Variants in CCDC71L observed in about 807,000 individuals in gnomAD.
CCDC71L encodes the protein coiled-coil domain-containing protein 71L.
A neutral mutation model predicts 10.2 loss-of-function variants in CCDC71L; 6 were observed. That is an observed-to-expected ratio of 0.59 (90% CI 0.32 to 1.16). CCDC71L has a LOEUF of 1.16. Ranked by LOEUF, CCDC71L falls within the 50% of genes most tolerant of loss-of-function variation. The pLI is 0.05. For missense variants in CCDC71L, 366 were observed against 383.4 expected (o/e 0.95, Z 0.38); for synonymous variants, 204 against 175.5 (o/e 1.16, Z -1.28).
rs564042162 is a variant in CCDC71L at position 106,657,259 on chromosome 7, A to G, written c.*2930T>C. The G allele has an allele frequency of 1.3e-5, 2 of 152,316 alleles. No homozygotes were observed. The highest frequency in any genetic ancestry group is 4.1e-4 in the South Asian group (2 of 4,828). 9.4% of individuals were successfully genotyped at this position (152,316 alleles called of 1,614,324 possible). On this transcript the variant is annotated 3_prime_UTR_variant, in exon 1 of 1. Transcript: ENST00000523505. The stretch of plus-strand genomic sequence containing the variant: ...CAATTATGACGTTACTGGTTTTAGT[A>G]ACATAAAAATACATTGCTGGTTGAC...
Position 106,660,153 on chromosome 7 carries a change from G to T in CCDC71L, c.*36C>A, listed in dbSNP as rs1316231334. 1 of 1,489,628 alleles carries T rather than the reference G, an allele frequency of 6.7e-7. No homozygotes were observed. The highest frequency in any genetic ancestry group is 8.8e-7 in the Non-Finnish European group (1 of 1,130,252). The allele number at this position is 1,489,628 out of a possible 1,614,324, so 92.3% of individuals were successfully genotyped here. A position where few individuals can be genotyped will look rare whatever the true frequency, so the allele number is the denominator to read the frequency against. On this transcript the variant is annotated 3_prime_UTR_variant, in exon 1 of 1. Transcript: ENST00000523505. This position sits in a 1 kb window ranked among gnomAD's most constrained non-coding sequence, Gnocchi z 7.5. ...CTCCGGGCGGAAGGCCTGTCCCAAG[G>T]TCGGGGCCGGCAGGAGGCGCCCTGG...
In CCDC71L at chr7:106,659,151, C is replaced by A. The variant is rs1057382266; in HGVS notation, c.*1038G>T. 22 of 152,252 alleles carry A rather than the reference C, an allele frequency of 1.4e-4. No homozygotes were observed. The highest frequency in any genetic ancestry group is 5.3e-4 in the African/African-American group (22 of 41,538). The allele number at this position is 152,252 out of a possible 1,614,324, so 9.4% of individuals were successfully genotyped here. On this transcript the variant is annotated 3_prime_UTR_variant, in exon 1 of 1. Coordinates refer to ENST00000523505, the MANE Select transcript of CCDC71L (RefSeq NM_175884.6). ...TGATAATGTTTACACACATCCATCT[C>A]TCCTATGCAACTCCCATTTTAAAAT... is the stretch of plus-strand genomic sequence containing the variant.
rs1792561466 is a variant in CCDC71L at position 106,660,073 on chromosome 7, TG to T, written c.*115del. On this transcript the variant is annotated 3_prime_UTR_variant, in exon 1 of 1. Coordinates refer to ENST00000523505, the MANE Select transcript of CCDC71L (RefSeq NM_175884.6). This position sits in a 1 kb window ranked among gnomAD's most constrained non-coding sequence, Gnocchi z 7.5. Reference sequence around the variant, plus strand: ...CAACTTCTTCGCGCGTAAAGTGCATTGGGGGCCGGGGTCCTGGCCGGATCTG... The same window carrying T: ...CAACTTCTTCGCGCGTAAAGTGCATTGGGGCCGGGGTCCTGGCCGGATCTG... 7.7e-7 allele frequency: 1 copy of T among 1,307,072 alleles called. No homozygotes were observed. Among genetic ancestry groups the T allele is most frequent in the South Asian group, 1.7e-5 (1 of 59,524 alleles). 81.0% of individuals were successfully genotyped at this position (1,307,072 alleles called of 1,614,324 possible).
chr7:106,661,045 A>G lies in CCDC71L; in HGVS notation c.-149T>C. 8.6e-7 allele frequency: 1 copy of G among 1,166,694 alleles called. No homozygotes were observed. The highest frequency in any genetic ancestry group is 1.1e-6 in the Non-Finnish European group (1 of 906,124). 72.3% of individuals were successfully genotyped at this position (1,166,694 alleles called of 1,614,324 possible). The stretch of plus-strand genomic sequence containing the variant: ...GCCGCCCCTCCCCCTCCGAGGGCGG[A>G]GGACGCGGGCGAATATCCTGCTGCC... On this transcript the variant is annotated 5_prime_UTR_variant, in exon 1 of 1. Coordinates refer to ENST00000523505, the MANE Select transcript of CCDC71L (RefSeq NM_175884.6).
In CCDC71L at chr7:106,660,524, CCGG is replaced by C; in HGVS notation, c.370_372del (p.Pro124del). 2.8e-6 allele frequency: 4 copies of C among 1,442,720 alleles called. No homozygotes were observed. In the African/African-American group the frequency reaches 5.9e-5, roughly 21 times the overall value. The allele number at this position is 1,442,720 out of a possible 1,614,324, so 89.4% of individuals were successfully genotyped here. On this transcript the variant is annotated inframe_deletion, in exon 1 of 1. Transcript: ENST00000523505. The surrounding 1 kb of genome is among the most constrained non-coding windows in gnomAD (Gnocchi z 7.5). ...CTCCTCCTGGCCGCTGCGCGCGGAA[CCGG>C]CCGGCGCGCCTGGCCGCGGGCTGTA...
rs1410026532 is a variant in CCDC71L, at chr7:106,659,112, G to A, written c.*1077C>T. Reference sequence around the variant, plus strand: ...TTCTAAGAATTCTAATGGGTATTCTGTTTATCATTTTAGTGATAATGTTTA... The same window carrying A: ...TTCTAAGAATTCTAATGGGTATTCTATTTATCATTTTAGTGATAATGTTTA... On this transcript the variant is annotated 3_prime_UTR_variant, in exon 1 of 1. Transcript: ENST00000523505. The A allele has an allele frequency of 6.6e-6, 1 of 151,972 alleles. No homozygotes were observed. Among genetic ancestry groups the A allele is most frequent in the Non-Finnish European group, 1.5e-5 (1 of 67,994 alleles). 9.4% of individuals were successfully genotyped at this position (151,972 alleles called of 1,614,324 possible). A position where few individuals can be genotyped will look rare whatever the true frequency, so the allele number is the denominator to read the frequency against.
rs1425380019 is a variant in CCDC71L at position 106,660,235 on chromosome 7, A to G, written c.662T>C (p.Leu221Pro). ...GCGGCGGAGCCTCACCATGGGTTCC[A>G]GGTTCACTCGCAGGACCTGGCGCGC... ...RRARQVLRVNLEPMVRLRRFP... is the reference protein window; with the variant it reads ...RRARQVLRVNPEPMVRLRRFP... The change falls in exon 1 of 1, where the codon CTG (leucine) becomes CCG (proline). Residue 221 changes from leucine to proline, a missense_variant. Transcript: ENST00000523505. The surrounding 1 kb of genome is among the most constrained non-coding windows in gnomAD (Gnocchi z 7.5). The G allele has an allele frequency of 6.3e-7, 1 of 1,577,990 alleles. No individual in the cohort carries two copies. The highest frequency in any genetic ancestry group is 1.1e-5 in the South Asian group (1 of 89,444).
rs1792489117 is a variant in CCDC71L, at chr7:106,656,311, T to C, written c.*3878A>G. On this transcript the variant is annotated 3_prime_UTR_variant, in exon 1 of 1. Coordinates refer to ENST00000523505, the MANE Select transcript of CCDC71L (RefSeq NM_175884.6). ...GTGCTGTTCACTAATACTCCACTTCTGCCTTCTAGACTCTAATGAAAATTC... is the reference window on the plus strand; with the variant it reads ...GTGCTGTTCACTAATACTCCACTTCCGCCTTCTAGACTCTAATGAAAATTC... 6.6e-6 allele frequency among the ~76,000 whole-genome samples: 1 copy of C among 152,192 alleles called. No homozygotes were observed. The highest frequency in any genetic ancestry group is 1.5e-5 in the Non-Finnish European group (1 of 68,024).
chr7:106,660,721 G>T lies in CCDC71L; in HGVS notation c.176C>A (p.Ala59Asp). 6.3e-7 allele frequency: 1 copy of T among 1,575,996 alleles called. No homozygotes were observed. Among genetic ancestry groups the T allele is most frequent in the East Asian group, 2.3e-5 (1 of 42,600 alleles). The change falls in exon 1 of 1, where the codon GCC becomes GAC. Residue 59 changes from alanine (A) to aspartate (D), a missense_variant. Transcript: ENST00000523505. This position sits in a 1 kb window ranked among gnomAD's most constrained non-coding sequence, Gnocchi z 7.5. The part of the protein sequence containing the change: ...LADSTKALGD[A>D]FKLFMPRSTE... ...GCTGCGGGGCATGAAGAGCTTGAAG[G>T]CGTCGCCCAGCGCCTTGGTGCTGTC...
Position 106,659,620 on chromosome 7 carries a change from C to G in CCDC71L, c.*569G>C, listed in dbSNP as rs1792552153. On this transcript the variant is annotated 3_prime_UTR_variant, in exon 1 of 1. Transcript: ENST00000523505. ...GAACCTCTTAAAAAATATCCTCGAT[C>G]AAAGCTTTGGAATCCAGTAAAAATT... 1 of 152,614 alleles carries G rather than the reference C, an allele frequency of 6.6e-6. No homozygotes were observed. Among genetic ancestry groups the G allele is most frequent in the African/African-American group, 2.4e-5 (1 of 41,450 alleles). The allele number at this position is 152,614 out of a possible 1,614,324, so 9.5% of individuals were successfully genotyped here.
chr7:106,654,402 C>A lies in CCDC71L; in HGVS notation c.*5787G>T, dbSNP rs1289852925. 6.6e-6 allele frequency among the ~76,000 whole-genome samples: 1 copy of A among 151,832 alleles called. No individual in the cohort carries two copies. The highest frequency in any genetic ancestry group is 1.5e-5 in the Non-Finnish European group (1 of 67,930). ...AAGCTTTATTTATAATTGTTCCAAA[C>A]TGGAATCTACCCAAATGCCCACCAA... On this transcript the variant is annotated 3_prime_UTR_variant, in exon 1 of 1. Coordinates refer to ENST00000523505, the MANE Select transcript of CCDC71L (RefSeq NM_175884.6).
In CCDC71L at chr7:106,656,574, T is replaced by C. The variant is rs1792494966; in HGVS notation, c.*3615A>G. On this transcript the variant is annotated 3_prime_UTR_variant, in exon 1 of 1. Transcript: ENST00000523505. ...TTGTAGCGCCATCCTAAAAATTCGC[T>C]AGATAATTAAAGAATTGATGGAACA... Among the ~76,000 whole-genome samples, 1 of 151,950 alleles carries C rather than the reference T, an allele frequency of 6.6e-6. No individual in the cohort carries two copies. Among genetic ancestry groups the C allele is most frequent in the Non-Finnish European group, 1.5e-5 (1 of 67,978 alleles).
At position 106,660,035 on chromosome 7, in the gene CCDC71L, G is replaced by C; in HGVS notation, c.*154C>G. ...CGACCGCGCCGCGGCCCGGGACAGG[G>C]ACAACCATCCGGCAACTTCTTCGCG... On this transcript the variant is annotated 3_prime_UTR_variant, in exon 1 of 1. Coordinates refer to ENST00000523505, the MANE Select transcript of CCDC71L (RefSeq NM_175884.6). This position sits in a 1 kb window ranked among gnomAD's most constrained non-coding sequence, Gnocchi z 7.5. 1 of 1,096,224 alleles carries C rather than the reference G, an allele frequency of 9.1e-7. No individual in the cohort carries two copies. The highest frequency in any genetic ancestry group is 1.2e-6 in the Non-Finnish European group (1 of 820,632). The allele number at this position is 1,096,224 out of a possible 1,614,324, so 67.9% of individuals were successfully genotyped here. A position where few individuals can be genotyped will look rare whatever the true frequency, so the allele number is the denominator to read the frequency against.
chr7:106,659,231 G>A lies in CCDC71L; in HGVS notation c.*958C>T, dbSNP rs998530242. On this transcript the variant is annotated 3_prime_UTR_variant, in exon 1 of 1. Transcript: ENST00000523505. Reference sequence around the variant, plus strand: ...ATAATGTATTTTAAAATACTTTAACGCATAATATTCCTAGATTTGTATGTT... The same window carrying A: ...ATAATGTATTTTAAAATACTTTAACACATAATATTCCTAGATTTGTATGTT... 2.0e-5 allele frequency: 3 copies of A among 151,704 alleles called. No individual in the cohort carries two copies. Among genetic ancestry groups the A allele is most frequent in the Non-Finnish European group, 4.4e-5 (3 of 67,950 alleles). The allele number at this position is 151,704 out of a possible 1,614,324, so 9.4% of individuals were successfully genotyped here.
rs897389448 is a variant in CCDC71L at position 106,660,106 on chromosome 7, C to T, written c.*83G>A. The T allele has an allele frequency of 2.8e-6, 4 of 1,406,014 alleles. No individual in the cohort carries two copies. The highest frequency in any genetic ancestry group is 3.7e-6 in the Non-Finnish European group (4 of 1,086,246). The allele number at this position is 1,406,014 out of a possible 1,614,324, so 87.1% of individuals were successfully genotyped here. ...GGGGTCCTGGCCGGATCTGTAAACA[C>T]TCGACTGACACTTGTTCATTCCTCC... On this transcript the variant is annotated 3_prime_UTR_variant, in exon 1 of 1. Coordinates refer to ENST00000523505, the MANE Select transcript of CCDC71L (RefSeq NM_175884.6). The surrounding 1 kb of genome is among the most constrained non-coding windows in gnomAD (Gnocchi z 7.5).
rs1489476050 is a variant in CCDC71L at position 106,655,834 on chromosome 7, CA to C, written c.*4354del. On this transcript the variant is annotated 3_prime_UTR_variant, in exon 1 of 1. Coordinates refer to ENST00000523505, the MANE Select transcript of CCDC71L (RefSeq NM_175884.6). Reference sequence around the variant, plus strand: ...TTATGTCTTCAATTTTATTCATGCACAAATTCTCTTCTCTTCATTTATCTTA... The same window carrying C: ...TTATGTCTTCAATTTTATTCATGCACAATTCTCTTCTCTTCATTTATCTTA... Among the ~76,000 whole-genome samples, 8 of 152,106 alleles carry C rather than the reference CA, an allele frequency of 5.3e-5. No homozygotes were observed. Among genetic ancestry groups the C allele is most frequent in the Non-Finnish European group, 1.2e-4 (8 of 67,994 alleles).
Position 106,657,785 on chromosome 7 carries a change from C to G in CCDC71L, c.*2404G>C, listed in dbSNP as rs141462136. On this transcript the variant is annotated 3_prime_UTR_variant, in exon 1 of 1. Transcript: ENST00000523505. ...CCATATTGAATTCAAGATGGACAAT[C>G]AGATCCAAAATGGAATCAGATAGCC... 6.6e-6 allele frequency: 1 copy of G among 152,186 alleles called. No individual in the cohort carries two copies. The highest frequency in any genetic ancestry group is 1.5e-5 in the Non-Finnish European group (1 of 68,028). The allele number at this position is 152,186 out of a possible 1,614,324, so 9.4% of individuals were successfully genotyped here.
rs1341655896 is a variant in CCDC71L at position 106,657,344 on chromosome 7, A to G, written c.*2845T>C. 6.6e-6 allele frequency: 1 copy of G among 152,210 alleles called. No individual in the cohort carries two copies. Among genetic ancestry groups the G allele is most frequent in the Non-Finnish European group, 1.5e-5 (1 of 68,020 alleles). The allele number at this position is 152,210 out of a possible 1,614,324, so 9.4% of individuals were successfully genotyped here. A position where few individuals can be genotyped will look rare whatever the true frequency, so the allele number is the denominator to read the frequency against. On this transcript the variant is annotated 3_prime_UTR_variant, in exon 1 of 1. Coordinates refer to ENST00000523505, the MANE Select transcript of CCDC71L (RefSeq NM_175884.6). ...AGTTATGTGAGGTGCCGGTCACCAC[A>G]TTTAGGCACTCAGGAATTAAAAATC...
At position 106,655,977 on chromosome 7, in the gene CCDC71L, G is replaced by C. The variant is rs866829372; in HGVS notation, c.*4212C>G. ...TCTCACTGTGCATACCTATAATTAA[G>C]AGCATTTATTTAGTACTTCCTATGT... On this transcript the variant is annotated 3_prime_UTR_variant, in exon 1 of 1. Coordinates refer to ENST00000523505, the MANE Select transcript of CCDC71L (RefSeq NM_175884.6). Among the ~76,000 whole-genome samples, 5 of 152,226 alleles carry C rather than the reference G, an allele frequency of 3.3e-5. No individual in the cohort carries two copies. The Middle Eastern group carries it at 0.017, about 518-fold the overall frequency.
Sources: allele counts gnomAD v4.1 joint callset (sites outside exome capture counted in the v4.1 genomes callset), GRCh38; gene constraint gnomAD v4.1.1; non-coding constraint Gnocchi (gnomAD v3.1); transcripts MANE v1.5; gene names NCBI Gene and HGNC (gene_info 2026-07-23, HGNC 2026-07-21).